PLCZ1: variants seen among roughly 807,000 people sequenced by gnomAD.
The protein encoded by PLCZ1 is phospholipase C zeta 1.
A neutral mutation model predicts 76.8 loss-of-function variants in PLCZ1; 64 were observed. The ratio of observed to expected loss-of-function variants is 0.83; its 90% CI spans 0.68 to 1.03. PLCZ1 has a LOEUF of 1.03. PLCZ1 is among the 50% of genes least tolerant of loss of function. The probability of loss-of-function intolerance (pLI) is 0.00; values close to 1 mark genes in which losing one functional copy is unlikely to be tolerated. For synonymous variants in PLCZ1, 248 were observed against 230.8 expected (o/e 1.07, Z -0.68); for missense variants, 751 against 713.7 (o/e 1.05, Z -0.60).
intron 6 of PLCZ1, among the ~76,000 whole-genome samples, chr12:18,708,020 G>A (rs1365620361): frequency 6.6e-6 from 1 of 152,164 alleles, no homozygotes; most frequent in Non-Finnish European, 1.5e-5. Context: ...TTTGTAGCAA[G>A]AGCAGCTAAA....
At chr12:18,685,848 A>G (rs1297349763) in intron 13 of PLCZ1, among the ~76,000 whole-genome samples, 18 of 51,624 alleles carry the variant, frequency 3.5e-4, no homozygotes, top group African/African-American at 8.2e-4. Flanking sequence ...ACACACGCGC[A>G]CACACACACA....
At chr12:18,670,180 C>T in the PLCZ1 span, among the ~76,000 whole-genome samples, 1 of 152,060 alleles carries the variant, frequency 6.6e-6, no homozygotes, top group Non-Finnish European at 1.5e-5. Flanking sequence ...AGTATGCTGC[C>T]TTGAAACAAG....
intron 6 of PLCZ1, among the ~76,000 whole-genome samples, chr12:18,709,321 A>G (rs1957015276): frequency 6.6e-6 from 1 of 152,016 alleles, no homozygotes; most frequent in Non-Finnish European, 1.5e-5. Flanking sequence ...AATTAGGTTG[A>G]CCATATATGC....
rs189085385 is a variant in PLCZ1, at chr12:18,705,769, G to A, written c.715-454C>T. On this transcript the variant is annotated intron_variant, in intron 6 of 14. Transcript: ENST00000266505. The stretch of plus-strand genomic sequence containing the variant: ...TAATCCCAGCTACTCAGGACACTAA[G>A]GCAGGAGAATCACTTGAACCCGGGA... 3.6e-3 allele frequency among the ~76,000 whole-genome samples: 546 copies of A among 152,022 alleles called. 3 individuals carry two copies. The highest frequency in any genetic ancestry group is 5.8e-3 in the Non-Finnish European group (394 of 67,994).
In PLCZ1 at chr12:18,736,282, T is replaced by G. The variant is rs1473811239; in HGVS notation, c.74A>C (p.Gln25Pro). 6.2e-7 allele frequency: 1 copy of G among 1,612,594 alleles called. No homozygotes were observed. Among genetic ancestry groups the G allele is most frequent in the Non-Finnish European group, 8.5e-7 (1 of 1,179,144 alleles). Residue 25 changes from glutamine to proline, a missense_variant, in exon 3 of 15, where the codon CAG becomes CCG. Physicochemically the swap from Gln to Pro is moderately conservative, Grantham distance 76. Transcript: ENST00000266505. ...AATATCTAATTTTTCAAGTAACCTC[T>G]GAGTTTTTTCTAGGTTAATTTTTCC... ...RGGKINLEKT[Q>P]RLLEKLDIRC...
Position 18,712,986 on chromosome 12 carries a change from A to C in PLCZ1, c.570T>G (p.Ser190Arg). The change falls in exon 6 of 15, where the codon AGT (serine) becomes AGG (arginine). Residue 190 changes from serine to arginine, a missense_variant and splice_region_variant. Coordinates refer to ENST00000266505, the MANE Select transcript of PLCZ1 (RefSeq NM_033123.4). The stretch of plus-strand genomic sequence containing the variant: ...AACAACGGCATCCTTTCACAAGGGC[A>C]CTAGCAAAATTTCAGCAAAATAAAA... The part of the protein sequence containing the change: ...LGPSDLWGYV[S>R]ALVKGCRCLE... The C allele has an allele frequency of 3.1e-6, 5 of 1,613,934 alleles. No homozygotes were observed. Among genetic ancestry groups the C allele is most frequent in the Non-Finnish European group, 4.2e-6 (5 of 1,179,830 alleles).
the PLCZ1 span, among the ~76,000 whole-genome samples, chr12:18,677,436 A>G: frequency 2.0e-5 from 3 of 152,066 alleles, no homozygotes; most frequent in African/African-American, 7.2e-5. Flanking sequence ...ATGCATCTGA[A>G]TCACATAGAG....
chr12:18,646,525 T>C, the PLCZ1 span, among the ~76,000 whole-genome samples: 1 of 152,132 alleles, frequency 6.6e-6, no homozygotes, highest in Non-Finnish European at 1.5e-5. Flanking sequence ...GATAACGTAA[T>C]GAAAGGTAAG....
chr12:18,649,251 C>T, the PLCZ1 span, among the ~76,000 whole-genome samples: 1 of 152,060 alleles, frequency 6.6e-6, no homozygotes. Context: ...AAGAAACTGC[C>T]ACAGATTTCC....
downstream of PLCZ1, among the ~76,000 whole-genome samples, chr12:18,678,864 A>G (rs1044689435): frequency 7.9e-5 from 12 of 152,048 alleles, no homozygotes; most frequent in Admixed American, 6.6e-4. Context: ...ATCTAGGACC[A>G]AAAAGCTTGA....
At chr12:18,692,688 G>C in intron 12 of PLCZ1, 1 of 717,294 alleles carries the variant, frequency 1.4e-6, no homozygotes, top group Non-Finnish European at 2.3e-6. Context: ...AATCAGTAAA[G>C]AACAAAATCA....
chr12:18,674,997 C>A, the PLCZ1 span, among the ~76,000 whole-genome samples: 3 of 152,136 alleles, frequency 2.0e-5, no homozygotes, highest in Non-Finnish European at 4.4e-5. Context: ...CCCCAGCCAA[C>A]TCTCTAGATC....
intron 3 of PLCZ1, among the ~76,000 whole-genome samples, chr12:18,731,599 C>G (rs2150755977): frequency 7.5e-6 from 1 of 133,484 alleles, no homozygotes; most frequent in South Asian, 2.6e-4. Flanking sequence ...GGAGCTACAT[C>G]AGGCCAATTG....
At chr12:18,651,326 T>A in the PLCZ1 span, among the ~76,000 whole-genome samples, 2,725 of 152,202 alleles carry the variant, frequency 0.018, 83 homozygotes, top group African/African-American at 0.062. Context: ...GAACACCCTA[T>A]GTGAGATGTT....
chr12:18,725,863 C>A (rs1958722579), intron 3 of PLCZ1, among the ~76,000 whole-genome samples: 1 of 152,088 alleles, frequency 6.6e-6, no homozygotes, highest in African/African-American at 2.4e-5. Context: ...AAGTGTCACC[C>A]ACTCTAGAAA....
chr12:18,681,187 A>G (rs1952376174), downstream of PLCZ1, among the ~76,000 whole-genome samples: 1 of 151,952 alleles, frequency 6.6e-6, no homozygotes. Context: ...TAGCAACACT[A>G]AAGTCTGGCT....
chr12:18,677,151 A>G, the PLCZ1 span, among the ~76,000 whole-genome samples: 11 of 152,092 alleles, frequency 7.2e-5, no homozygotes. Context: ...TTGGCTGAAC[A>G]CAAGATACTG....
At chr12:18,648,701 C>T in the PLCZ1 span, among the ~76,000 whole-genome samples, 4 of 152,062 alleles carry the variant, frequency 2.6e-5, no homozygotes, top group African/African-American at 9.7e-5. Flanking sequence ...AGATCTCAAA[C>T]TCTGAAACTC....
chr12:18,710,866 T>C (rs1050926917), intron 6 of PLCZ1, among the ~76,000 whole-genome samples: 3 of 152,168 alleles, frequency 2.0e-5, no homozygotes, highest in Admixed American at 2.0e-4. Context: ...ATGGCGATCA[T>C]TAAAAAGTCA....
Sources: gnomAD v4.1 joint callset for allele counts (sites outside exome capture counted in the v4.1 genomes callset) on GRCh38, gnomAD v4.1.1 for gene constraint, MANE v1.5 for transcripts, NCBI Gene and HGNC (gene_info 2026-07-23, HGNC 2026-07-21) for gene names.